SUPT3H: variants seen among roughly 807,000 people sequenced by gnomAD.
The protein encoded by SUPT3H is SPT3 homolog, SAGA and STAGA complex component.
SUPT3H carries 44 observed loss-of-function variants against 44.3 expected under a neutral mutation model. That is an observed-to-expected ratio of 0.99 (90% CI 0.78 to 1.28). SUPT3H has a LOEUF of 1.28. SUPT3H is among the 50% of genes most tolerant of loss of function. The pLI is 0.00. For synonymous variants in SUPT3H, 124 were observed against 125.6 expected, an observed-to-expected ratio of 0.99 and a Z score of 0.09; for missense variants, 380 against 387.1, an observed-to-expected ratio of 0.98 and a Z score of 0.15.
chr6:44,815,319 T>G (rs1766835656), intron 11 of SUPT3H, among the ~76,000 whole-genome samples: 1 of 152,204 alleles, frequency 6.6e-6, no homozygotes, highest in Admixed American at 6.5e-5. Context: ...TAAGGAGTTA[T>G]GATGAGGATA....
intron 9 of SUPT3H, among the ~76,000 whole-genome samples, chr6:44,950,895 C>T (rs1451539557): frequency 6.7e-6 from 1 of 149,572 alleles, no homozygotes; most frequent in African/African-American, 2.5e-5. Flanking sequence ...TACATGTGCA[C>T]ATTGTGCAGG....
chr6:45,151,149 C>G (rs930190248), intron 2 of SUPT3H, among the ~76,000 whole-genome samples: 3 of 152,060 alleles, frequency 2.0e-5, no homozygotes, highest in Non-Finnish European at 4.4e-5. Context: ...TGGCTATTTA[C>G]AGGACAAAAT....
At chr6:45,162,843 G>A (rs905132424) in intron 2 of SUPT3H, among the ~76,000 whole-genome samples, 6 of 152,048 alleles carry the variant, frequency 3.9e-5, no homozygotes, top group Admixed American at 3.3e-4. Flanking sequence ...AGATCAAATG[G>A]GGGAAAATGA....
chr6:45,084,836 T>C (rs892100509), intron 3 of SUPT3H, among the ~76,000 whole-genome samples: 3 of 152,204 alleles, frequency 2.0e-5, no homozygotes, highest in Non-Finnish European at 4.4e-5. Flanking sequence ...CTGGAGGCCA[T>C]TATCCTAAGT....
chr6:45,363,839 A>G (rs186861286), intron 2 of SUPT3H, among the ~76,000 whole-genome samples: 46 of 152,054 alleles, frequency 3.0e-4, no homozygotes, highest in Non-Finnish European at 4.9e-4. Flanking sequence ...TATAAGAAAT[A>G]TATTATTTAT....
chr6:45,179,148 C>T (rs1259101330), intron 2 of SUPT3H, among the ~76,000 whole-genome samples: 3 of 152,094 alleles, frequency 2.0e-5, no homozygotes, highest in African/African-American at 7.2e-5. Flanking sequence ...ATAAATTCCT[C>T]GACACGTACA....
In SUPT3H at chr6:44,956,494, AAATAAAAAT is replaced by A. The variant is rs1562131418; in HGVS notation, c.581-1896_581-1888del. 1.0e-3 allele frequency among the ~76,000 whole-genome samples: 6 copies of A among 6,012 alleles called. 2 individuals carry two copies. The highest frequency in any genetic ancestry group is 1.7e-3 in the African/African-American group (3 of 1,758). 3.9% of individuals were successfully genotyped at this position (6,012 alleles called of 152,430 possible). A position where few individuals can be genotyped will look rare whatever the true frequency, so the allele number is the denominator to read the frequency against. On this transcript the variant is annotated intron_variant, in intron 7 of 10. Coordinates refer to ENST00000371459, the MANE Select transcript of SUPT3H (RefSeq NM_003599.4). The stretch of plus-strand genomic sequence containing the variant: ...TCAAAAAAAAAAAAATAAAAAAAAA[AAATAAAAAT>A]AAAAAAAAAAAAGTGTCTATTACCA...
At position 45,194,813 on chromosome 6, in the gene SUPT3H, C is replaced by A. The variant is rs1213338780; in HGVS notation, c.102-88807G>T. ...TCATTTAAATCAATACAATTTAAAC[C>A]CAATCTCATCCTAAGTAGTATTCAT... On this transcript the variant is annotated intron_variant, in intron 2 of 10. Transcript: ENST00000371459. Among the ~76,000 whole-genome samples, 6 of 152,058 alleles carry A rather than the reference C, an allele frequency of 3.9e-5. No homozygotes were observed. In the East Asian group the frequency reaches 7.7e-4, roughly 20 times the overall value.
At chr6:45,300,938 C>T (rs1782055149) in intron 2 of SUPT3H, among the ~76,000 whole-genome samples, 2 of 152,252 alleles carry the variant, frequency 1.3e-5, no homozygotes, top group African/African-American at 4.8e-5. Context: ...CTAGCCTCAA[C>T]CTGATCTCAG....
rs149337628 is a variant in SUPT3H at position 44,945,635 on chromosome 6, C to T, written c.801+7675G>A. Among the ~76,000 whole-genome samples, 726 of 152,302 alleles carry T rather than the reference C, an allele frequency of 4.8e-3. 4 individuals are homozygous for T. The highest frequency in any genetic ancestry group is 0.017 in the African/African-American group (692 of 41,570). ...TCAAAGCCTAATCCAGAGCAAGGTGCTAACTCTCTTTAATTCTGTGAAGGC... is the reference window on the plus strand; with the variant it reads ...TCAAAGCCTAATCCAGAGCAAGGTGTTAACTCTCTTTAATTCTGTGAAGGC... On this transcript the variant is annotated intron_variant, in intron 9 of 10. Transcript: ENST00000371459.
At chr6:44,835,385 C>T (rs989852692) in intron 10 of SUPT3H, among the ~76,000 whole-genome samples, 25 of 152,126 alleles carry the variant, frequency 1.6e-4, no homozygotes, top group African/African-American at 5.3e-4. Flanking sequence ...CTGTGGGCCA[C>T]AGGAGCTGCC....
At chr6:45,157,563 T>C (rs1343155617) in intron 2 of SUPT3H, among the ~76,000 whole-genome samples, 2 of 151,754 alleles carry the variant, frequency 1.3e-5, no homozygotes, top group Non-Finnish European at 2.9e-5. Flanking sequence ...ATGTATTTCT[T>C]TTTGAGATGG....
At chr6:44,985,268 G>A (rs944088207) in intron 6 of SUPT3H, among the ~76,000 whole-genome samples, 16 of 151,502 alleles carry the variant, frequency 1.1e-4, no homozygotes, top group African/African-American at 1.5e-4. Flanking sequence ...ATGGTGGCAC[G>A]CATCTGTAGT....
intron 2 of SUPT3H, among the ~76,000 whole-genome samples, chr6:45,220,643 A>G (rs1335809669): frequency 6.6e-6 from 1 of 152,236 alleles, no homozygotes; most frequent in African/African-American, 2.4e-5. Context: ...AACTGTTCCT[A>G]CTTGCTAATG....
chr6:45,158,298 AT>A lies in SUPT3H; in HGVS notation c.102-52293del, dbSNP rs56882164. Among the ~76,000 whole-genome samples the A allele has an allele frequency of 7.4e-3, 742 of 99,652 alleles. 16 individuals are homozygous for A. The highest frequency in any genetic ancestry group is 8.8e-3 in the African/African-American group (175 of 19,976). 65.4% of individuals were successfully genotyped at this position (99,652 alleles called of 152,430 possible). On this transcript the variant is annotated intron_variant, in intron 2 of 10. Transcript: ENST00000371459. ...TACATATATATATATATATATATAT[AT>A]TTTTTTTTTTTTTTTTTTGAGATGG...
At chr6:45,228,456 A>T (rs1767330058) in intron 2 of SUPT3H, among the ~76,000 whole-genome samples, 2 of 152,048 alleles carry the variant, frequency 1.3e-5, no homozygotes, top group African/African-American at 2.4e-5. Context: ...AACCTGAAAC[A>T]TTGCCTTTTC....
intron 2 of SUPT3H, among the ~76,000 whole-genome samples, chr6:45,195,286 C>G (rs1815831325): frequency 6.6e-6 from 1 of 152,084 alleles, no homozygotes; most frequent in South Asian, 2.1e-4. Context: ...ATGATCAGAG[C>G]TTTCCAACCC....
intron 2 of SUPT3H, among the ~76,000 whole-genome samples, chr6:45,193,479 T>G (rs1254439706): frequency 6.6e-6 from 1 of 152,128 alleles, no homozygotes; most frequent in African/African-American, 2.4e-5. Flanking sequence ...AAATTCACTT[T>G]TAAATCTCCA....
intron 6 of SUPT3H, among the ~76,000 whole-genome samples, chr6:44,965,166 G>A (rs1191483080): frequency 6.6e-6 from 1 of 152,144 alleles, no homozygotes; most frequent in African/African-American, 2.4e-5. Context: ...CGTACAAGCT[G>A]GGGGTAATCT....
Sources: gnomAD v4.1 joint callset for allele counts (sites outside exome capture counted in the v4.1 genomes callset) on GRCh38, gnomAD v4.1.1 for gene constraint, MANE v1.5 for transcripts, NCBI Gene and HGNC (gene_info 2026-07-23, HGNC 2026-07-21) for gene names.